The following CNGB3 variants were observed in gnomAD, a reference collection of about 807,000 sequenced individuals.
CNGB3 encodes cyclic nucleotide gated channel subunit beta 3.
A neutral mutation model predicts 92.8 loss-of-function variants in CNGB3; 86 were observed. That is an observed-to-expected ratio of 0.93 (90% CI 0.78 to 1.11). The LOEUF is 1.11. Ranked by LOEUF, CNGB3 falls within the 50% of genes least tolerant of loss-of-function variation. CNGB3 has a pLI of 0.00. For missense variants in CNGB3, 1,026 were observed against 956.8 expected, an observed-to-expected ratio of 1.07 and a Z score of -0.95; for synonymous variants, 333 against 332.7, an observed-to-expected ratio of 1.00 and a Z score of -0.01.
chr8:86,576,111 CCTT>C lies in CNGB3; in HGVS notation c.2120_2122del (p.Glu707del). On this transcript the variant is annotated inframe_deletion, in exon 18 of 18. Coordinates refer to ENST00000320005, the MANE Select transcript of CNGB3 (RefSeq NM_019098.5). ...ATTTTCTTTTCCTTCTTCCTCTCCTCCTTCAGAATTTTCTTTCTTCTGGAAGGA... is the reference window on the plus strand; with the variant it reads ...ATTTTCTTTTCCTTCTTCCTCTCCTCCAGAATTTTCTTTCTTCTGGAAGGA... 6.2e-7 allele frequency: 1 copy of C among 1,603,766 alleles called. No individual in the cohort carries two copies. The highest frequency in any genetic ancestry group is 1.1e-5 in the South Asian group (1 of 89,466).
At chr8:86,676,653 G>A (rs532424133) in intron 3 of CNGB3, among the ~76,000 whole-genome samples, 2 of 152,308 alleles carry the variant, frequency 1.3e-5, no homozygotes, top group East Asian at 3.9e-4. Flanking sequence ...GGAATTCCAT[G>A]TTTGGTCATT....
intron 4 of CNGB3, 120 bp downstream of exon 4, chr8:86,670,824 A>G (rs1227101553): frequency 3.7e-6 from 4 of 1,082,656 alleles, no homozygotes; most frequent in Non-Finnish European, 5.7e-6. Flanking sequence ...TCTCAAAATA[A>G]ACTGTACGTA....
At chr8:86,708,194 A>G (rs2131655461) in intron 3 of CNGB3, among the ~76,000 whole-genome samples, 1 of 152,272 alleles carries the variant, frequency 6.6e-6, no homozygotes, top group East Asian at 1.9e-4. Context: ...TTGCTAAAAG[A>G]ATCTAGGTAA....
In CNGB3 at chr8:86,579,240, T is replaced by A. The variant is rs2131532786; in HGVS notation, c.1794A>T (p.Ala598=). ...SVFGEISLLA[A]GGGNRRTANV... is the part of the protein sequence containing the mutation. ...TGGCAGTTCGACGGTTTCCTCCTCCTGCTGCTAGAAGGCTGTAAGAGAGAA... is the reference window on the plus strand; with the variant it reads ...TGGCAGTTCGACGGTTTCCTCCTCCAGCTGCTAGAAGGCTGTAAGAGAGAA... Residue 598 remains alanine, a synonymous_variant, in exon 16 of 18, where the codon GCA becomes GCT. Coordinates refer to ENST00000320005, the MANE Select transcript of CNGB3 (RefSeq NM_019098.5). The A allele has an allele frequency of 1.2e-6, 2 of 1,614,104 alleles. No individual in the cohort carries two copies. Among genetic ancestry groups the A allele is most frequent in the Non-Finnish European group, 1.7e-6 (2 of 1,179,968 alleles).
chr8:86,596,446 T>C (rs997455419), intron 15 of CNGB3, among the ~76,000 whole-genome samples: 4 of 152,232 alleles, frequency 2.6e-5, no homozygotes, highest in Admixed American at 6.5e-5. Flanking sequence ...AATATAGCAG[T>C]GTTATTCTTA....
chr8:86,735,596 T>A (rs187420313), intron 2 of CNGB3, among the ~76,000 whole-genome samples: 1 of 152,132 alleles, frequency 6.6e-6, no homozygotes, highest in Non-Finnish European at 1.5e-5. Flanking sequence ...ACAGCACTCC[T>A]TGGGTCCTGG....
chr8:86,736,178 A>T (rs1487178886), intron 2 of CNGB3, among the ~76,000 whole-genome samples: 1 of 152,224 alleles, frequency 6.6e-6, no homozygotes. Context: ...TGCAGATTTT[A>T]TGACATTGCA....
At chr8:86,714,892 A>G (rs1273761024) in intron 3 of CNGB3, among the ~76,000 whole-genome samples, 1 of 151,970 alleles carries the variant, frequency 6.6e-6, no homozygotes, top group Non-Finnish European at 1.5e-5. Context: ...CCCTGGCAAC[A>G]TGTATGACTC....
At position 86,575,770 on chromosome 8, in the gene CNGB3, A is replaced by C; in HGVS notation, c.*34T>G. 1 of 1,569,102 alleles carries C rather than the reference A, an allele frequency of 6.4e-7. No individual in the cohort carries two copies. ...AATCCTAGGTACAATCACTTTGGGA[A>C]CTAGCTATATCACATCTAAAGATAA... On this transcript the variant is annotated 3_prime_UTR_variant, in exon 18 of 18. Coordinates refer to ENST00000320005, the MANE Select transcript of CNGB3 (RefSeq NM_019098.5).
chr8:86,594,695 T>TTTTG (rs59438172), intron 15 of CNGB3: 7,765 of 166,210 alleles, frequency 0.047, 307 homozygotes, highest in African/African-American at 0.097. Flanking sequence ...TAGACAGCTT[T>TTTTG]TTTGTTTGTT....
chr8:86,619,376 C>T (rs992580410), intron 13 of CNGB3, among the ~76,000 whole-genome samples: 7 of 152,158 alleles, frequency 4.6e-5, no homozygotes, highest in African/African-American at 1.7e-4. Flanking sequence ...TAGCTTAATA[C>T]TTGTGCTTGG....
intron 12 of CNGB3, among the ~76,000 whole-genome samples, chr8:86,627,296 G>A (rs1822869265): frequency 6.6e-6 from 1 of 152,042 alleles, no homozygotes; most frequent in Admixed American, 6.6e-5. Context: ...TAAGGGGTGC[G>A]AGGCAAGAAG....
At chr8:86,600,892 C>T (rs185509986) in intron 15 of CNGB3, among the ~76,000 whole-genome samples, 186 of 145,184 alleles carry the variant, frequency 1.3e-3, no homozygotes, top group African/African-American at 4.5e-3. Context: ...AGCCTCCCAA[C>T]GTGTTGGGAT....
intron 10 of CNGB3, among the ~76,000 whole-genome samples, chr8:86,633,587 T>C (rs1055470082): frequency 6.6e-6 from 1 of 152,208 alleles, no homozygotes; most frequent in Non-Finnish European, 1.5e-5. Flanking sequence ...AGAAGCCCTA[T>C]ATCATCTTAT....
At chr8:86,725,068 A>G (rs1825037540) in intron 3 of CNGB3, among the ~76,000 whole-genome samples, 1 of 152,198 alleles carries the variant, frequency 6.6e-6, no homozygotes, top group South Asian at 2.1e-4. Context: ...CTAGGAATGA[A>G]TACGGATTAA....
intron 11 of CNGB3, 107 bp from the exon 12 acceptor site, chr8:86,629,185 CT>C (rs1822911753): frequency 1.4e-5 from 17 of 1,251,766 alleles, no homozygotes; most frequent in Non-Finnish European, 1.8e-5. Context: ...GCCCTGATTA[CT>C]TGATTTTATT....
chr8:86,609,695 C>A (rs1205213397), intron 14 of CNGB3, among the ~76,000 whole-genome samples: 1 of 152,152 alleles, frequency 6.6e-6, no homozygotes, highest in Non-Finnish European at 1.5e-5. Context: ...CCACCTGATG[C>A]CTTGAAGTAC....
Position 86,719,620 on chromosome 8 carries a change from A to G in CNGB3, c.338+6911T>C, listed in dbSNP as rs113292437. Among the ~76,000 whole-genome samples the G allele has an allele frequency of 9.2e-3, 1,399 of 152,272 alleles. 28 individuals carry two copies. The highest frequency in any genetic ancestry group is 0.032 in the African/African-American group (1,325 of 41,554). On this transcript the variant is annotated intron_variant, in intron 3 of 17. Coordinates refer to ENST00000320005, the MANE Select transcript of CNGB3 (RefSeq NM_019098.5). ...AATTCCTGTCAAAAATACCACCATC[A>G]TTCTTCACAGAACTAGAAAAAACAA...
chr8:86,654,547 G>A (rs939881236), intron 6 of CNGB3, among the ~76,000 whole-genome samples: 19 of 152,012 alleles, frequency 1.2e-4, no homozygotes, highest in Non-Finnish European at 1.2e-4. Flanking sequence ...ATCTATCTGA[G>A]GACAGGTTTG....
Sources: allele counts gnomAD v4.1 joint callset (sites outside exome capture counted in the v4.1 genomes callset), GRCh38; gene constraint gnomAD v4.1.1; transcripts MANE v1.5; gene names NCBI Gene and HGNC (gene_info 2026-07-23, HGNC 2026-07-21).